Variants in PCDHGA2 observed in about 807,000 individuals in gnomAD.
The protein encoded by PCDHGA2 is protocadherin gamma-A2.
A neutral mutation model predicts 59.2 loss-of-function variants in PCDHGA2; 40 were observed. The ratio of observed to expected loss-of-function variants is 0.68; its 90% CI spans 0.52 to 0.88. PCDHGA2 has a LOEUF of 0.88. Among genes scored for constraint, PCDHGA2 ranks in the 40% least tolerant of loss-of-function variants. PCDHGA2 has a pLI of 0.00. For synonymous variants in PCDHGA2, 560 were observed against 526.0 expected (o/e 1.06, Z -0.89); for missense variants, 1,226 against 1,204.0 (o/e 1.02, Z -0.27).
chr5:141,399,336 T>C, intron 1 of PCDHGA2: 2 of 1,613,976 alleles, frequency 1.2e-6, no homozygotes, highest in Non-Finnish European at 1.7e-6. Context: ...TGGTAACAGA[T>C]GGAACCCTAG....
chr5:141,461,423 C>T lies in PCDHGA2; in HGVS notation c.2425-33384C>T, dbSNP rs1005977255. 3.9e-5 allele frequency among the ~76,000 whole-genome samples: 6 copies of T among 151,938 alleles called. No individual in the cohort carries two copies. In the South Asian group the frequency reaches 6.2e-4, roughly 16 times the overall value. On this transcript the variant is annotated intron_variant, in intron 1 of 3. Coordinates refer to ENST00000394576, the MANE Select transcript of PCDHGA2 (RefSeq NM_018915.4). ...AGCATTTTTTCATATGTTTGTGGGC[C>T]ATTTGTATACCTTCTTTTGAGAAAT... is the stretch of plus-strand genomic sequence containing the variant.
intron 1 of PCDHGA2, chr5:141,416,068 A>G (rs940843403): frequency 1.2e-5 from 2 of 173,694 alleles, no homozygotes; most frequent in Non-Finnish European, 2.4e-5. Context: ...AGAATACTCA[A>G]TGCAGTTCTT....
At chr5:141,475,955 C>G (rs1562050812) in intron 1 of PCDHGA2, 8 of 800,218 alleles carry the variant, frequency 1.0e-5, no homozygotes, top group South Asian at 1.9e-5. Flanking sequence ...TTCTGCGCCC[C>G]GGGATGAGGC....
At chr5:141,422,950 G>A (rs1388735971) in intron 1 of PCDHGA2, 2 of 1,614,230 alleles carry the variant, frequency 1.2e-6, no homozygotes, top group South Asian at 1.1e-5. Flanking sequence ...CGGCTCCACT[G>A]GCGTGGAGCT....
chr5:141,338,864 G>A lies in PCDHGA2; in HGVS notation c.-108G>A, dbSNP rs2149720587. ...GAACAGCCCACCAGTTCTCTCCATA[G>A]GGACCTGGGTCCCGTGAATGCTGGT... is the stretch of plus-strand genomic sequence containing the variant. On this transcript the variant is annotated 5_prime_UTR_variant, in exon 1 of 4. Coordinates refer to ENST00000394576, the MANE Select transcript of PCDHGA2 (RefSeq NM_018915.4). 3 of 1,437,424 alleles carry A rather than the reference G, an allele frequency of 2.1e-6. No homozygotes were observed. The highest frequency in any genetic ancestry group is 2.5e-5 in the East Asian group (1 of 39,904). The allele number at this position is 1,437,424 out of a possible 1,614,324, so 89.0% of individuals were successfully genotyped here.
chr5:141,371,937 T>C, intron 1 of PCDHGA2: 1 of 1,613,290 alleles, frequency 6.2e-7, no homozygotes. Flanking sequence ...CGGGGTGGTG[T>C]TCGCGCAGCG....
intron 1 of PCDHGA2, among the ~76,000 whole-genome samples, chr5:141,435,245 G>A (rs577996994): frequency 6.6e-6 from 1 of 152,132 alleles, no homozygotes; most frequent in Admixed American, 6.5e-5. Context: ...ATTCTTTCTG[G>A]CCATTAGGGA....
In PCDHGA2 at chr5:141,490,309, A is replaced by G. The variant is rs1485303337; in HGVS notation, c.2425-4498A>G. On this transcript the variant is annotated intron_variant, in intron 1 of 3. Transcript: ENST00000394576. The surrounding 1 kb of genome is among the most constrained non-coding windows in gnomAD (Gnocchi z 5.4). ...AGAGGTGCTATTGGCCTCTTTGGCCAACCCTGTCCTAGAGAGCACACCAGT... is the reference window on the plus strand; with the variant it reads ...AGAGGTGCTATTGGCCTCTTTGGCCGACCCTGTCCTAGAGAGCACACCAGT... The G allele has an allele frequency of 2.8e-5, 46 of 1,614,126 alleles. No homozygotes were observed. Among genetic ancestry groups the G allele is most frequent in the Non-Finnish European group, 3.8e-5 (45 of 1,180,056 alleles).
At chr5:141,420,883 C>A (rs992351503) in intron 1 of PCDHGA2, among the ~76,000 whole-genome samples, 1 of 152,216 alleles carries the variant, frequency 6.6e-6, no homozygotes, top group Non-Finnish European at 1.5e-5. Context: ...TATTGTGTAT[C>A]ATCGTTTTTA....
Position 141,434,451 on chromosome 5 carries a change from A to T in PCDHGA2, c.2425-60356A>T, listed in dbSNP as rs145324240. 3.9e-3 allele frequency among the ~76,000 whole-genome samples: 589 copies of T among 152,326 alleles called. 6 individuals carry two copies. The highest frequency in any genetic ancestry group is 0.011 in the Admixed American group (170 of 15,298). ...GGCCGTAATGCCCATGCTGGAAGGTAGTGGGTTTACCGGAATGAGGGCAAG... is the reference window on the plus strand; with the variant it reads ...GGCCGTAATGCCCATGCTGGAAGGTTGTGGGTTTACCGGAATGAGGGCAAG... On this transcript the variant is annotated intron_variant, in intron 1 of 3. Transcript: ENST00000394576.
chr5:141,490,948 G>T lies in PCDHGA2; in HGVS notation c.2425-3859G>T. 1 of 1,613,756 alleles carries T rather than the reference G, an allele frequency of 6.2e-7. No homozygotes were observed. The highest frequency in any genetic ancestry group is 8.5e-7 in the Non-Finnish European group (1 of 1,179,810). On this transcript the variant is annotated intron_variant, in intron 1 of 3. Coordinates refer to ENST00000394576, the MANE Select transcript of PCDHGA2 (RefSeq NM_018915.4). The surrounding 1 kb of genome is among the most constrained non-coding windows in gnomAD (Gnocchi z 5.4). The stretch of plus-strand genomic sequence containing the variant: ...CCCAGCTGTGCTGCACCCACGGCCA[G>T]ACTGGGAACACTCAGCCCCCCAGCG...
intron 1 of PCDHGA2, among the ~76,000 whole-genome samples, chr5:141,479,878 A>G (rs1033313584): frequency 2.0e-5 from 3 of 152,170 alleles, no homozygotes; most frequent in African/African-American, 7.2e-5. Context: ...AGAACCCTAT[A>G]CATACTCTCA....
rs1246204844 is a variant in PCDHGA2, at chr5:141,419,493, A to T, written c.2425-75314A>T. On this transcript the variant is annotated intron_variant, in intron 1 of 3. Coordinates refer to ENST00000394576, the MANE Select transcript of PCDHGA2 (RefSeq NM_018915.4). ...CAGGGCTCGCCCGCGCTCAGCGCCA[A>T]TGTGAGCCTGCGCGTGTTGGTGGGC... 3 of 1,612,264 alleles carry T rather than the reference A, an allele frequency of 1.9e-6. No individual in the cohort carries two copies. The African/African-American group carries it at 4.0e-5, about 22-fold the overall frequency.
intron 1 of PCDHGA2, chr5:141,376,311 T>A: frequency 1.2e-6 from 2 of 1,613,882 alleles, no homozygotes; most frequent in Non-Finnish European, 1.7e-6. Context: ...TTTGTGGGCG[T>A]GGAAGGGGTT....
intron 1 of PCDHGA2, chr5:141,362,287 T>C (rs1364587967): frequency 2.2e-5 from 36 of 1,613,948 alleles, no homozygotes; most frequent in Non-Finnish European, 3.0e-5. Context: ...CCTGCGACTC[T>C]CTTCCAGGTC....
At position 141,430,782 on chromosome 5, in the gene PCDHGA2, G is replaced by C. The variant is rs1220976669; in HGVS notation, c.2425-64025G>C. 2.0e-6 allele frequency: 3 copies of C among 1,510,858 alleles called. No individual in the cohort carries two copies. The East Asian group carries it at 6.9e-5, about 35-fold the overall frequency. 93.6% of individuals were successfully genotyped at this position (1,510,858 alleles called of 1,614,324 possible). A position where few individuals can be genotyped will look rare whatever the true frequency, so the allele number is the denominator to read the frequency against. ...AGAATGATTCCTGCGCGACTGCACC[G>C]GGACTACAAAGGGCTTGTCCTGCTG... On this transcript the variant is annotated intron_variant, in intron 1 of 3. Coordinates refer to ENST00000394576, the MANE Select transcript of PCDHGA2 (RefSeq NM_018915.4).
At chr5:141,404,771 C>A in intron 1 of PCDHGA2, 2 of 1,613,870 alleles carry the variant, frequency 1.2e-6, no homozygotes, top group African/African-American at 1.3e-5. Context: ...GCTCTCCTAC[C>A]GCCTATTCAA....
intron 1 of PCDHGA2, chr5:141,362,523 T>G: frequency 6.2e-7 from 1 of 1,614,040 alleles, no homozygotes; most frequent in Non-Finnish European, 8.5e-7. Context: ...ATGGAGCCGC[T>G]GGGGTCCCTT....
In PCDHGA2 at chr5:141,432,961, A is replaced by T. The variant is rs1457416543; in HGVS notation, c.2425-61846A>T. The T allele has an allele frequency of 1.5e-5, 25 of 1,613,952 alleles. 1 individual carries two copies. The South Asian group carries it at 2.3e-4, about 15-fold the overall frequency. ...AGGCTTCAGGAGGCGGCTTGACAGG[A>T]GCGCCGGCGTCGCACTTTGTGGGCG... On this transcript the variant is annotated intron_variant, in intron 1 of 3. Coordinates refer to ENST00000394576, the MANE Select transcript of PCDHGA2 (RefSeq NM_018915.4). This position sits in a 1 kb window ranked among gnomAD's most constrained non-coding sequence, Gnocchi z 6.0.
Sources: allele counts gnomAD v4.1 joint callset (sites outside exome capture counted in the v4.1 genomes callset), GRCh38; gene constraint gnomAD v4.1.1; non-coding constraint Gnocchi (gnomAD v3.1); transcripts MANE v1.5; gene names NCBI Gene and HGNC (gene_info 2026-07-23, HGNC 2026-07-21).